Variants in NPEPPS observed in about 807,000 individuals in gnomAD.
NPEPPS encodes the protein puromycin-sensitive aminopeptidase.
A neutral mutation model predicts 115.5 loss-of-function variants in NPEPPS; 14 were observed. The ratio of observed to expected loss-of-function variants is 0.12; its 90% CI spans 0.08 to 0.19. The LOEUF is 0.19. Ranked by LOEUF, NPEPPS falls within the 10% of genes least tolerant of loss-of-function variation. NPEPPS has a pLI of 1.00. For missense variants in NPEPPS, 523 were observed against 1,110.8 expected (o/e 0.47, Z 7.52); for synonymous variants, 285 against 390.6 (o/e 0.73, Z 3.19).
At chr17:47,610,845 CTTTT>C (rs59893483) in intron 17 of NPEPPS, among the ~76,000 whole-genome samples, 1 of 100,120 alleles carries the variant, frequency 1.0e-5, no homozygotes, top group African/African-American at 4.2e-5. Flanking sequence ...TATGATGACT[CTTTT>C]TTTTTTTTTT....
intron 1 of NPEPPS, among the ~76,000 whole-genome samples, chr17:47,533,159 T>G (rs1394142296): frequency 2.6e-5 from 4 of 152,208 alleles, no homozygotes; most frequent in Admixed American, 6.5e-5. Context: ...TTATCTATAC[T>G]TATCTGTGAT....
At chr17:47,559,959 A>G (rs1910323137) in intron 2 of NPEPPS, among the ~76,000 whole-genome samples, 1 of 152,180 alleles carries the variant, frequency 6.6e-6, no homozygotes, top group Non-Finnish European at 1.5e-5. Flanking sequence ...CCTGGGGCCT[A>G]TAGCCTCAGC....
In NPEPPS at chr17:47,538,202, C is replaced by CTTTTTTTTTTTTT. The variant is rs543559258; in HGVS notation, c.255+6658_255+6670dup. ...GCCACCGCGCCTAGCCATATCTGTTCTTTTTTTTTTTTTTTTTTTTTTTGA... is the reference window on the plus strand; with the variant it reads ...GCCACCGCGCCTAGCCATATCTGTTCTTTTTTTTTTTTTTTTTTTTTTTTTTTTTTTTTTTTGA... On this transcript the variant is annotated intron_variant, in intron 1 of 22. Transcript: ENST00000322157. Among the ~76,000 whole-genome samples the CTTTTTTTTTTTTT allele has an allele frequency of 1.5e-3, 88 of 58,496 alleles. 16 individuals are homozygous for CTTTTTTTTTTTTT. The highest frequency in any genetic ancestry group is 3.9e-3 in the East Asian group (6 of 1,556). The allele number at this position is 58,496 out of a possible 152,430, so 38.4% of individuals were successfully genotyped here.
intron 2 of NPEPPS, among the ~76,000 whole-genome samples, chr17:47,547,980 C>G (rs1338163882): frequency 6.6e-6 from 1 of 152,090 alleles, no homozygotes; most frequent in East Asian, 1.9e-4. Context: ...GAGCCGAGAT[C>G]GCGCCACTGC....
At chr17:47,596,272 G>C in intron 12 of NPEPPS, 81 bp from the exon 13 acceptor site, 1 of 908,140 alleles carries the variant, frequency 1.1e-6, no homozygotes, top group Admixed American at 2.7e-5. Context: ...GCAGTGTAGT[G>C]TCAAAAGTTA....
chr17:47,606,964 G>A (rs1018148877), intron 17 of NPEPPS, among the ~76,000 whole-genome samples: 9 of 152,074 alleles, frequency 5.9e-5, no homozygotes, highest in African/African-American at 2.2e-4. Flanking sequence ...GGAGGCTGAG[G>A]CGGGTGGATC....
rs1910912643 is a variant in NPEPPS, at chr17:47,567,696, T to C, written c.341-1721T>C. On this transcript the variant is annotated intron_variant, in intron 2 of 22. Transcript: ENST00000322157. The stretch of plus-strand genomic sequence containing the variant: ...TCCAGAAAGAAAGTACCCTGCCTAT[T>C]TCCCCTCTATCACCTAGCCCCAGGC... Among the ~76,000 whole-genome samples, 3 of 152,064 alleles carry C rather than the reference T, an allele frequency of 2.0e-5. No homozygotes were observed. In the South Asian group the frequency reaches 6.2e-4, roughly 32 times the overall value.
At chr17:47,596,303 T>C (rs1224408011) in intron 12 of NPEPPS, 50 bp from the exon 13 acceptor site, 36 of 1,214,422 alleles carry the variant, frequency 3.0e-5, no homozygotes, top group Non-Finnish European at 3.9e-5. Flanking sequence ...CTTTTTTGTT[T>C]AGGAAAATAA....
intron 3 of NPEPPS, among the ~76,000 whole-genome samples, chr17:47,574,712 T>C (rs1405470337): frequency 2.0e-5 from 3 of 152,114 alleles, no homozygotes; most frequent in Non-Finnish European, 2.9e-5. Context: ...CACTTCAGCC[T>C]CCCATGTAGC....
In NPEPPS at chr17:47,559,711, C is replaced by T. The variant is rs531231208; in HGVS notation, c.341-9706C>T. 584 of 452,362 alleles carry T rather than the reference C, an allele frequency of 1.3e-3. 1 individual carries two copies. The highest frequency in any genetic ancestry group is 0.011 in the African/African-American group (530 of 49,762). 28.0% of individuals were successfully genotyped at this position (452,362 alleles called of 1,614,324 possible). A position where few individuals can be genotyped will look rare whatever the true frequency, so the allele number is the denominator to read the frequency against. On this transcript the variant is annotated intron_variant, in intron 2 of 22. Transcript: ENST00000322157. Reference sequence around the variant, plus strand: ...TGGTAGGATATCACTTTTTTGGTTTCAAGCCCAAAGGAGGGGGTCATTTAC... The same window carrying T: ...TGGTAGGATATCACTTTTTTGGTTTTAAGCCCAAAGGAGGGGGTCATTTAC...
intron 1 of NPEPPS, among the ~76,000 whole-genome samples, chr17:47,544,502 GTATTTATT>G (rs61518431): frequency 0.32 from 44,759 of 141,360 alleles, 7,347 homozygotes; most frequent in East Asian, 0.39. Context: ...GAAATTAAAC[GTATTTATT>G]TATTTATTTA....
At chr17:47,575,507 C>T (rs1267622329) in intron 3 of NPEPPS, among the ~76,000 whole-genome samples, 1 of 150,534 alleles carries the variant, frequency 6.6e-6, no homozygotes, top group Non-Finnish European at 1.5e-5. Context: ...GCCAATATAA[C>T]AATTTTGAGC....
intron 1 of NPEPPS, among the ~76,000 whole-genome samples, chr17:47,542,603 C>T (rs1908847401): frequency 6.6e-6 from 1 of 150,906 alleles, no homozygotes; most frequent in Admixed American, 6.6e-5. Flanking sequence ...ACCTGCCAGT[C>T]ACCATAGTGA....
At chr17:47,567,934 GATT>G (rs1479239399) in intron 2 of NPEPPS, among the ~76,000 whole-genome samples, 2 of 151,690 alleles carry the variant, frequency 1.3e-5, no homozygotes, top group African/African-American at 4.8e-5. Context: ...TTCATTTTGG[GATT>G]ATTATAAATA....
chr17:47,592,910 C>T (rs1468460016), intron 12 of NPEPPS, among the ~76,000 whole-genome samples: 5 of 152,152 alleles, frequency 3.3e-5, no homozygotes, highest in Non-Finnish European at 7.3e-5. Flanking sequence ...CCCCAGCCCC[C>T]TACCCCATGA....
intron 22 of NPEPPS, among the ~76,000 whole-genome samples, chr17:47,620,420 T>C (rs1597902350): frequency 6.6e-6 from 1 of 152,032 alleles, no homozygotes; most frequent in Non-Finnish European, 1.5e-5. Context: ...GTAGTGGCAG[T>C]AGTGGAGGAG....
At chr17:47,587,708 A>C (rs1912274676) in intron 9 of NPEPPS, among the ~76,000 whole-genome samples, 1 of 152,252 alleles carries the variant, frequency 6.6e-6, no homozygotes, top group Non-Finnish European at 1.5e-5. Flanking sequence ...TGTTAATCTG[A>C]TTCACAGCTG....
At chr17:47,529,737 T>TATATATATA (rs59313546), upstream of NPEPPS, among the ~76,000 whole-genome samples, 35 of 25,648 alleles carry the variant, frequency 1.4e-3, 7 homozygotes, top group East Asian at 2.6e-3. Flanking sequence ...TTCAGTTACA[T>TATATATATA]TATATATATA....
chr17:47,621,654 C>A, intron 22 of NPEPPS, 114 bp from the exon 23 acceptor site: 1 of 1,016,380 alleles, frequency 9.8e-7, no homozygotes, highest in Non-Finnish European at 1.4e-6. Context: ...GGTAAATTCT[C>A]ATGCCTGAAG....
Sources: gnomAD v4.1 joint callset for allele counts (sites outside exome capture counted in the v4.1 genomes callset) on GRCh38, gnomAD v4.1.1 for gene constraint, MANE v1.5 for transcripts, NCBI Gene and HGNC (gene_info 2026-07-23, HGNC 2026-07-21) for gene names.